Variants in SESTD1 observed in about 807,000 individuals in gnomAD.
SESTD1 encodes the protein SEC14 and spectrin domain containing 1, also known as SEC14 domain and spectrin repeat-containing protein 1.
In SESTD1, 43 loss-of-function variants were observed where a neutral mutation model predicts 101.7. The observed-to-expected ratio is 0.42, with a 90% CI of 0.33 to 0.55. SESTD1 has a LOEUF of 0.55. Among genes scored for constraint, SESTD1 ranks in the 20% least tolerant of loss-of-function variants. SESTD1 has a pLI of 0.07. For missense variants in SESTD1, 647 were observed against 815.1 expected (o/e 0.79, Z 2.51); for synonymous variants, 283 against 286.8 (o/e 0.99, Z 0.13).
In SESTD1 at chr2:179,102,243, CCT is replaced by C. The variant is rs1383250669; in HGVS notation, c.*7654_*7655del. ...GGGTCACGGGAGAGGGAAGCAGAAGCCTCTGTCTTCTAAGACTCCAGGTTATT... is the reference window on the plus strand; with the variant it reads ...GGGTCACGGGAGAGGGAAGCAGAAGCCTGTCTTCTAAGACTCCAGGTTATT... On this transcript the variant is annotated 3_prime_UTR_variant, in exon 18 of 18. Transcript: ENST00000428443. The C allele has an allele frequency of 2.6e-5, 4 of 152,192 alleles. No homozygotes were observed. The highest frequency in any genetic ancestry group is 3.9e-4 in the East Asian group (2 of 5,172). 9.4% of individuals were successfully genotyped at this position (152,192 alleles called of 1,614,324 possible). A position where few individuals can be genotyped will look rare whatever the true frequency, so the allele number is the denominator to read the frequency against.
intron 16 of SESTD1, among the ~76,000 whole-genome samples, chr2:179,114,806 G>C (rs1329002703): frequency 1.3e-5 from 2 of 152,122 alleles, no homozygotes; most frequent in Non-Finnish European, 2.9e-5. Flanking sequence ...GGCTTGGTGA[G>C]GAGAGAAGTG....
chr2:179,213,606 C>A (rs2046680035), intron 1 of SESTD1, among the ~76,000 whole-genome samples: 1 of 134,914 alleles, frequency 7.4e-6, no homozygotes, highest in South Asian at 2.8e-4. Flanking sequence ...CTTCCCCAAC[C>A]TGGCAAGGAG....
intron 1 of SESTD1, among the ~76,000 whole-genome samples, chr2:179,203,598 A>G (rs2046550770): frequency 7.4e-6 from 1 of 134,756 alleles, no homozygotes; most frequent in Non-Finnish European, 1.6e-5. Context: ...ATCCTTTATA[A>G]TAGTCCAGTA....
In SESTD1 at chr2:179,211,440, G is replaced by A. The variant is rs917248592; in HGVS notation, c.-25-19574C>T. On this transcript the variant is annotated intron_variant, in intron 1 of 17. Coordinates refer to ENST00000428443, the MANE Select transcript of SESTD1 (RefSeq NM_178123.5). ...CTACAAGACTATAGTTACCAAAACCGCAGGGAACTAGTATAAAAACTGGCA... is the reference window on the plus strand; with the variant it reads ...CTACAAGACTATAGTTACCAAAACCACAGGGAACTAGTATAAAAACTGGCA... 1.1e-4 allele frequency among the ~76,000 whole-genome samples: 15 copies of A among 134,034 alleles called. 4 individuals are homozygous for A. The highest frequency in any genetic ancestry group is 3.0e-4 in the African/African-American group (10 of 33,864). The allele number at this position is 134,034 out of a possible 152,430, so 87.9% of individuals were successfully genotyped here.
At chr2:179,237,612 T>A (rs1332145233) in intron 1 of SESTD1, among the ~76,000 whole-genome samples, 3 of 152,198 alleles carry the variant, frequency 2.0e-5, no homozygotes, top group Non-Finnish European at 4.4e-5. Flanking sequence ...GGCTAATTTT[T>A]AAAAAGATTT....
intron 1 of SESTD1, 113 bp from the exon 2 acceptor site, chr2:179,191,979 A>G: frequency 1.4e-6 from 1 of 725,290 alleles, no homozygotes; most frequent in Non-Finnish European, 2.3e-6. Flanking sequence ...TGACATTTTG[A>G]GCAAGATAAT....
intron 5 of SESTD1, among the ~76,000 whole-genome samples, chr2:179,163,335 A>C (rs992770446): frequency 6.6e-6 from 1 of 152,180 alleles, no homozygotes; most frequent in African/African-American, 2.4e-5. Context: ...TGTGGAGTGG[A>C]TGAAATTCTG....
At chr2:179,225,088 C>A (rs940703619) in intron 1 of SESTD1, among the ~76,000 whole-genome samples, 6 of 152,094 alleles carry the variant, frequency 3.9e-5, no homozygotes, top group African/African-American at 1.4e-4. Context: ...TCACCCTCAA[C>A]CTGAGGGATC....
rs146854378 is a variant in SESTD1, at chr2:179,257,926, C to G, written c.-26+6573G>C. On this transcript the variant is annotated intron_variant, in intron 1 of 17. Coordinates refer to ENST00000428443, the MANE Select transcript of SESTD1 (RefSeq NM_178123.5). The stretch of plus-strand genomic sequence containing the variant: ...CAAAATATAGGAGACACATAACCAC[C>G]AGTCTTCAAAGGGTTAGATGTTTCT... Among the ~76,000 whole-genome samples the G allele has an allele frequency of 4.4e-3, 664 of 152,258 alleles. 4 individuals carry two copies. The highest frequency in any genetic ancestry group is 0.015 in the African/African-American group (617 of 41,544).
chr2:179,116,932 AATGATAAGCTAC>A, intron 14 of SESTD1, 142 bp from the exon 15 acceptor site: 1 of 1,152,054 alleles, frequency 8.7e-7, no homozygotes, highest in Non-Finnish European at 1.2e-6. Flanking sequence ...TATTTCATTC[AATGATAAGCTAC>A]ATGAATTAAT....
At chr2:179,259,464 G>A (rs192865046) in intron 1 of SESTD1, among the ~76,000 whole-genome samples, 3,240 of 152,060 alleles carry the variant, frequency 0.021, 98 homozygotes, top group African/African-American at 0.074. Flanking sequence ...TCCTGACCTC[G>A]TGATCCACCT....
chr2:179,264,128 A>T (rs972257167), intron 1 of SESTD1: 1 of 152,100 alleles, frequency 6.6e-6, no homozygotes, highest in Non-Finnish European at 1.5e-5. Context: ...CTGTTGCACA[A>T]TTCGGGTCCC....
At chr2:179,194,800 C>A (rs1019035327) in intron 1 of SESTD1, among the ~76,000 whole-genome samples, 7 of 152,060 alleles carry the variant, frequency 4.6e-5, no homozygotes, top group Non-Finnish European at 8.8e-5. Context: ...TATTTTATAC[C>A]AAGCTGGCTG....
At chr2:179,175,416 T>C (rs1459344325) in intron 4 of SESTD1, among the ~76,000 whole-genome samples, 1 of 152,208 alleles carries the variant, frequency 6.6e-6, no homozygotes, top group Non-Finnish European at 1.5e-5. Context: ...GTAGCTACCT[T>C]ATTTGTTGAA....
chr2:179,180,668 T>C (rs2046093021), intron 3 of SESTD1, among the ~76,000 whole-genome samples: 1 of 152,224 alleles, frequency 6.6e-6, no homozygotes, highest in Non-Finnish European at 1.5e-5. Context: ...TATAATTCCT[T>C]CAACTTTCCT....
intron 5 of SESTD1, among the ~76,000 whole-genome samples, chr2:179,156,358 G>C (rs1439065510): frequency 6.6e-6 from 1 of 152,138 alleles, no homozygotes; most frequent in Non-Finnish European, 1.5e-5. Context: ...CCAGTAGTGG[G>C]ACTGCTGGAT....
chr2:179,154,747 C>A (rs1048092902), intron 5 of SESTD1, among the ~76,000 whole-genome samples: 2 of 151,898 alleles, frequency 1.3e-5, no homozygotes, highest in East Asian at 1.9e-4. Flanking sequence ...AAAATGTATA[C>A]GAGAAAGAGA....
chr2:179,110,000 C>A lies in SESTD1; in HGVS notation c.1990G>T (p.Asp664Tyr). 1.2e-6 allele frequency: 2 copies of A among 1,613,738 alleles called. No homozygotes were observed. Among genetic ancestry groups the A allele is most frequent in the Non-Finnish European group, 1.7e-6 (2 of 1,179,832 alleles). The change falls in exon 18 of 18, where the codon GAC becomes TAC. Residue 664 changes from aspartate to tyrosine, a missense_variant. Physicochemically the swap from Asp to Tyr is radical, Grantham distance 160. This residue lies in a region of SESTD1 where 476 missense variants were observed against 562.6 expected (regional missense o/e 0.85). Transcript: ENST00000428443. ...ATGTTTTCTGCAGTAGAAGCCATGT[C>A]ACTTGGACTCCCAAAATATTGTTCG... Reference protein sequence around the residue: ...GTEQYFGSPSDMASTAENIRD... With the variant: ...GTEQYFGSPSYMASTAENIRD...
At chr2:179,197,183 G>A (rs2046413312) in intron 1 of SESTD1, among the ~76,000 whole-genome samples, 1 of 152,116 alleles carries the variant, frequency 6.6e-6, no homozygotes, top group South Asian at 2.1e-4. Flanking sequence ...AGGAGCCGAT[G>A]CAATCAACTG....
Sources: gnomAD v4.1 joint callset for allele counts (sites outside exome capture counted in the v4.1 genomes callset) on GRCh38, gnomAD v4.1.1 for gene constraint, gnomAD v4.1.1 regional missense constraint, MANE v1.5 for transcripts, NCBI Gene and HGNC (gene_info 2026-07-23, HGNC 2026-07-21) for gene names.